SNTB2: variants seen among roughly 807,000 people sequenced by gnomAD.
SNTB2 encodes beta-2-syntrophin.
In SNTB2, 34 loss-of-function variants were observed where a neutral mutation model predicts 46.2. That is an observed-to-expected ratio of 0.74 (90% CI 0.56 to 0.98). SNTB2 has a LOEUF of 0.98. Among genes scored for constraint, SNTB2 ranks in the 50% least tolerant of loss-of-function variants. SNTB2 has a pLI of 0.00. For synonymous variants in SNTB2, 290 were observed against 312.6 expected, an observed-to-expected ratio of 0.93 and a Z score of 0.76; for missense variants, 603 against 731.4, an observed-to-expected ratio of 0.82 and a Z score of 2.02.
chr16:69,197,085 C>G (rs1288592294), intron 1 of SNTB2, among the ~76,000 whole-genome samples: 1 of 151,980 alleles, frequency 6.6e-6, no homozygotes, highest in Non-Finnish European at 1.5e-5. Context: ...TAACTACACT[C>G]TGTTAGACAC....
intron 1 of SNTB2, among the ~76,000 whole-genome samples, chr16:69,199,767 T>G (rs1964142251): frequency 6.6e-6 from 1 of 152,116 alleles, no homozygotes; most frequent in Non-Finnish European, 1.5e-5. Context: ...TAATGAAGAT[T>G]TGCAATCTTA....
At chr16:69,287,055 T>C (rs1235775738) in intron 5 of SNTB2, among the ~76,000 whole-genome samples, 1 of 152,176 alleles carries the variant, frequency 6.6e-6, no homozygotes, top group Admixed American at 6.5e-5. Flanking sequence ...CTACAAAAGT[T>C]TGAAAATGTG....
In SNTB2 at chr16:69,292,404, A is replaced by AT. The variant is rs1965176774; in HGVS notation, c.1346-7185dup. Among the ~76,000 whole-genome samples, 49 of 21,242 alleles carry AT rather than the reference A, an allele frequency of 2.3e-3. 11 individuals are homozygous for AT. In the African/African-American group the frequency reaches 0.027, roughly 12 times the overall value. The allele number at this position is 21,242 out of a possible 152,430, so 13.9% of individuals were successfully genotyped here. ...TTATATATATATTATATATATATATATATTATATATATATTATATATATAT... is the reference window on the plus strand; with the variant it reads ...TTATATATATATTATATATATATATATTATTATATATATATTATATATATAT... On this transcript the variant is annotated intron_variant, in intron 5 of 6. Transcript: ENST00000336278.
intron 5 of SNTB2, among the ~76,000 whole-genome samples, chr16:69,284,459 TAAAAAAAAAAAAAAA>T (rs3087058): frequency 3.5e-4 from 16 of 45,870 alleles, no homozygotes; most frequent in Admixed American, 7.1e-4. Context: ...CCGTCTTTAC[TAAAAAAAAAAAAAAA>T]AAAAAAAAAA....
chr16:69,187,547 C>T lies in SNTB2; in HGVS notation c.381C>T (p.Gly127=), dbSNP rs1832493952. The T allele has an allele frequency of 2.8e-6, 4 of 1,448,764 alleles. No individual in the cohort carries two copies. Among genetic ancestry groups the T allele is most frequent in the Non-Finnish European group, 3.7e-6 (4 of 1,095,328 alleles). 89.7% of individuals were successfully genotyped at this position (1,448,764 alleles called of 1,614,324 possible). ...RVVKQEAGGL[G]ISIKGGRENR... Reference sequence around the variant, plus strand: ...TGAAGCAAGAGGCGGGCGGCCTGGGCATCAGCATCAAGGGCGGCCGCGAGA... The same window carrying T: ...TGAAGCAAGAGGCGGGCGGCCTGGGTATCAGCATCAAGGGCGGCCGCGAGA... Residue 127 remains glycine (G), a synonymous_variant, in exon 1 of 7, where the codon GGC becomes GGT. Transcript: ENST00000336278.
At chr16:69,281,295 G>A (rs1200534716) in intron 4 of SNTB2, among the ~76,000 whole-genome samples, 5 of 150,278 alleles carry the variant, frequency 3.3e-5, no homozygotes, top group Non-Finnish European at 7.4e-5. Flanking sequence ...GCAATGGCGC[G>A]ATCTCGGCTC....
intron 4 of SNTB2, among the ~76,000 whole-genome samples, chr16:69,283,454 T>C (rs1965069869): frequency 6.6e-6 from 1 of 152,226 alleles, no homozygotes; most frequent in Non-Finnish European, 1.5e-5. Flanking sequence ...ACTGTGCTTC[T>C]TTACTAGCTG....
chr16:69,190,978 A>T (rs908784682), intron 1 of SNTB2: 1 of 152,162 alleles, frequency 6.6e-6, no homozygotes. Context: ...GGACCGGGTC[A>T]CGAAGGTATG....
At chr16:69,215,570 G>A (rs1964339171) in intron 1 of SNTB2, among the ~76,000 whole-genome samples, 1 of 152,108 alleles carries the variant, frequency 6.6e-6, no homozygotes, top group Non-Finnish European at 1.5e-5. Flanking sequence ...TTAAATTAGA[G>A]CACTGGGGCG....
intron 1 of SNTB2, among the ~76,000 whole-genome samples, chr16:69,218,995 T>A (rs1165772593): frequency 1.3e-5 from 2 of 152,156 alleles, no homozygotes; most frequent in African/African-American, 4.8e-5. Flanking sequence ...AGCTTACATC[T>A]TGTTGGCCAT....
At chr16:69,247,379 A>G (rs1487373260) in intron 2 of SNTB2, among the ~76,000 whole-genome samples, 8 of 152,218 alleles carry the variant, frequency 5.3e-5, no homozygotes, top group Non-Finnish European at 1.2e-4. Flanking sequence ...ATTAGTGGAA[A>G]AAATAAGATG....
At chr16:69,272,305 C>T (rs1323750374) in intron 4 of SNTB2, among the ~76,000 whole-genome samples, 1 of 151,772 alleles carries the variant, frequency 6.6e-6, no homozygotes, top group Non-Finnish European at 1.5e-5. Flanking sequence ...CTTTGGGAGA[C>T]CGAGGCAGGC....
At chr16:69,200,538 G>A (rs1964151476) in intron 1 of SNTB2, among the ~76,000 whole-genome samples, 1 of 152,212 alleles carries the variant, frequency 6.6e-6, no homozygotes, top group Non-Finnish European at 1.5e-5. Context: ...AACTGCTAGA[G>A]CAGGAGGAAG....
At chr16:69,281,443 A>T (rs1193328046) in intron 4 of SNTB2, among the ~76,000 whole-genome samples, 2 of 144,648 alleles carry the variant, frequency 1.4e-5, no homozygotes, top group African/African-American at 2.6e-5. Flanking sequence ...TAGGTCAAAG[A>T]TCCATTTTGA....
chr16:69,196,522 G>A (rs893564237), intron 1 of SNTB2, among the ~76,000 whole-genome samples: 2 of 151,486 alleles, frequency 1.3e-5, no homozygotes, highest in Admixed American at 6.6e-5. Context: ...TTACAGACAC[G>A]CGCTACCATG....
chr16:69,187,187 T>G lies in SNTB2; in HGVS notation c.21T>G (p.Thr7=). Residue 7 remains threonine, a synonymous_variant, in exon 1 of 7, where the codon ACT becomes ACG. Transcript: ENST00000336278. MRVAAA[T]AAAGAGPAMA... ...CTGGAATGAGGGTAGCTGCGGCGAC[T>G]GCGGCGGCTGGAGCGGGGCCGGCCA... is the stretch of plus-strand genomic sequence containing the variant. 7.3e-7 allele frequency: 1 copy of G among 1,378,388 alleles called. No homozygotes were observed. The highest frequency in any genetic ancestry group is 9.4e-7 in the Non-Finnish European group (1 of 1,063,734). The allele number at this position is 1,378,388 out of a possible 1,614,324, so 85.4% of individuals were successfully genotyped here.
chr16:69,187,447 C>A lies in SNTB2; in HGVS notation c.281C>A (p.Pro94Gln). Reference sequence around the variant, plus strand: ...AGCCCAAGCCGCGGCCTGGGGCCCCCGAGCCCGCCGGCGCCGCCTCGGGGC... The same window carrying A: ...AGCCCAAGCCGCGGCCTGGGGCCCCAGAGCCCGCCGGCGCCGCCTCGGGGC... ...PGSPSRGLGP[P>Q]SPPAPPRGPA... Residue 94 changes from proline to glutamine, a missense_variant, in exon 1 of 7, where the codon CCG becomes CAG. Coordinates refer to ENST00000336278, the MANE Select transcript of SNTB2 (RefSeq NM_006750.4). 1 of 1,165,540 alleles carries A rather than the reference C, an allele frequency of 8.6e-7. No homozygotes were observed. The highest frequency in any genetic ancestry group is 4.2e-5 in the South Asian group (1 of 23,734). The allele number at this position is 1,165,540 out of a possible 1,614,324, so 72.2% of individuals were successfully genotyped here.
rs549555359 is a variant in SNTB2, at chr16:69,210,031, T to A, written c.580+22285T>A. Among the ~76,000 whole-genome samples, 1,358 of 149,792 alleles carry A rather than the reference T, an allele frequency of 9.1e-3. 26 individuals are homozygous for A. The highest frequency in any genetic ancestry group is 0.031 in the African/African-American group (1,261 of 41,058). On this transcript the variant is annotated intron_variant, in intron 1 of 6. Transcript: ENST00000336278. ...TTTTTGTTATTTAATTTTTTTTTTT[T>A]TTTTTTTTTTTTAGACGGAGTTTTG...
chr16:69,254,490 C>T (rs1964754542), intron 2 of SNTB2, among the ~76,000 whole-genome samples: 1 of 152,124 alleles, frequency 6.6e-6, no homozygotes, highest in African/African-American at 2.4e-5. Context: ...TAAAAAATCC[C>T]CTTTAAGTTT....
Sources: allele counts gnomAD v4.1 joint callset (sites outside exome capture counted in the v4.1 genomes callset), GRCh38; gene constraint gnomAD v4.1.1; transcripts MANE v1.5; gene names NCBI Gene and HGNC (gene_info 2026-07-23, HGNC 2026-07-21).